The following CYB5A variants were observed in gnomAD, a reference collection of about 807,000 sequenced individuals.
CYB5A encodes cytochrome b5.
Under a neutral mutation model 16.2 loss-of-function variants are expected in CYB5A, and 10 were observed. The ratio of observed to expected loss-of-function variants is 0.62; its 90% CI spans 0.38 to 1.04. The LOEUF (loss-of-function observed/expected upper bound fraction) is 1.04. Among genes scored for constraint, CYB5A ranks in the 50% least tolerant of loss-of-function variants. The pLI, the probability that CYB5A is intolerant of heterozygous loss-of-function variation, is 0.01. For synonymous variants in CYB5A, 62 were observed against 57.0 expected (o/e 1.09, Z -0.40); for missense variants, 161 against 165.9 (o/e 0.97, Z 0.16).
In CYB5A at chr18:74,252,614, T is replaced by G. The variant is rs979073957; in HGVS notation, c.*970A>C. 12 of 152,384 alleles carry G rather than the reference T, an allele frequency of 7.9e-5. No homozygotes were observed. The highest frequency in any genetic ancestry group is 2.9e-4 in the African/African-American group (12 of 41,600). The allele number at this position is 152,384 out of a possible 1,614,324, so 9.4% of individuals were successfully genotyped here. ...CGTGTAAGCTGAGAGAATGGACAGT[T>G]GCGATGCCCTCTCATGGTTCATGTG... On this transcript the variant is annotated 3_prime_UTR_variant, in exon 5 of 5. Coordinates refer to ENST00000340533, the MANE Select transcript of CYB5A (RefSeq NM_148923.4).
chr18:74,286,177 G>A (rs141448620), intron 1 of CYB5A, among the ~76,000 whole-genome samples: 4 of 152,324 alleles, frequency 2.6e-5, no homozygotes, highest in South Asian at 2.1e-4. Context: ...GGCCACCTTC[G>A]GGGAGCAGAG....
At chr18:74,263,596 A>C (rs1465432797) in intron 1 of CYB5A, 119 bp from the exon 2 acceptor site, 4 of 752,958 alleles carry the variant, frequency 5.3e-6, no homozygotes, top group Non-Finnish European at 8.6e-6. Context: ...TGACAACAGG[A>C]GACTAACTTG....
chr18:74,279,650 TTTTG>T (rs142672206), intron 1 of CYB5A, among the ~76,000 whole-genome samples: 17,960 of 152,186 alleles, frequency 0.12, 1,357 homozygotes, highest in Admixed American at 0.19. Context: ...CATCTCTCTC[TTTTG>T]TTTTTTTTCC....
intron 4 of CYB5A, among the ~76,000 whole-genome samples, chr18:74,255,519 AT>A (rs1751063169): frequency 6.6e-6 from 1 of 152,166 alleles, no homozygotes; most frequent in Non-Finnish European, 1.5e-5. Context: ...CTTGGGGTGG[AT>A]GCAGCCAGCC....
intron 3 of CYB5A, chr18:74,257,951 CTT>C (rs1244868469): frequency 6.6e-6 from 1 of 152,150 alleles, no homozygotes; most frequent in Non-Finnish European, 1.5e-5. Flanking sequence ...TGCATAATGA[CTT>C]ATAAAAGTCA....
intron 1 of CYB5A, among the ~76,000 whole-genome samples, chr18:74,289,830 G>A (rs1338457104): frequency 6.6e-6 from 1 of 150,868 alleles, no homozygotes; most frequent in Non-Finnish European, 1.5e-5. Context: ...CATCTAGTGG[G>A]TAGAACTCAG....
chr18:74,277,070 C>G (rs1982910668), intron 1 of CYB5A, among the ~76,000 whole-genome samples: 1 of 148,666 alleles, frequency 6.7e-6, no homozygotes, highest in African/African-American at 2.4e-5. Flanking sequence ...AACAAGTAGG[C>G]AAAAACAACC....
In CYB5A at chr18:74,251,551, A is replaced by C. The variant is rs1307785595; in HGVS notation, c.*2033T>G. 6.6e-6 allele frequency: 1 copy of C among 152,194 alleles called. No homozygotes were observed. Among genetic ancestry groups the C allele is most frequent in the Non-Finnish European group, 1.5e-5 (1 of 68,054 alleles). The allele number at this position is 152,194 out of a possible 1,614,324, so 9.4% of individuals were successfully genotyped here. Reference sequence around the variant, plus strand: ...AATGGGAGGCAGGTTGGCCCTAAGCAGTTTCCAGCTTGAGTTTTCCTTAGT... The same window carrying C: ...AATGGGAGGCAGGTTGGCCCTAAGCCGTTTCCAGCTTGAGTTTTCCTTAGT... On this transcript the variant is annotated 3_prime_UTR_variant, in exon 5 of 5. Transcript: ENST00000340533.
intron 1 of CYB5A, among the ~76,000 whole-genome samples, chr18:74,268,727 AG>A (rs1315344174): frequency 3.3e-5 from 5 of 152,094 alleles, no homozygotes; most frequent in African/African-American, 1.2e-4. Flanking sequence ...AGAGACAGGA[AG>A]TGCCACTGGA....
At chr18:74,263,311 T>C (rs1475736174) in intron 2 of CYB5A, 38 bp downstream of exon 2, 2 of 1,613,592 alleles carry the variant, frequency 1.2e-6, no homozygotes, top group Non-Finnish European at 1.7e-6. Context: ...CTGATAGCCT[T>C]AAATACAAAT....
chr18:74,286,587 G>T (rs1206659213), intron 1 of CYB5A, among the ~76,000 whole-genome samples: 1 of 152,118 alleles, frequency 6.6e-6, no homozygotes, highest in Non-Finnish European at 1.5e-5. Flanking sequence ...TCAGAACAAG[G>T]AAAGTGACTG....
At chr18:74,263,263 G>A (rs1982285389) in intron 2 of CYB5A, 86 bp downstream of exon 2, 1 of 1,503,974 alleles carries the variant, frequency 6.6e-7, no homozygotes, top group Non-Finnish European at 9.1e-7. Flanking sequence ...CTTTTAAAAT[G>A]TGTATACATG....
At chr18:74,284,838 C>A (rs1196781130) in intron 1 of CYB5A, among the ~76,000 whole-genome samples, 1 of 152,286 alleles carries the variant, frequency 6.6e-6, no homozygotes, top group East Asian at 1.9e-4. Flanking sequence ...CAGAATTCTA[C>A]GGATGTAAGA....
chr18:74,284,100 G>A (rs899204644), intron 1 of CYB5A, among the ~76,000 whole-genome samples: 1 of 151,996 alleles, frequency 6.6e-6, no homozygotes, highest in African/African-American at 2.4e-5. Flanking sequence ...GCCTGGTGGT[G>A]CATGCCTGTA....
At chr18:74,262,222 G>C (rs1982231940) in intron 2 of CYB5A, among the ~76,000 whole-genome samples, 1 of 152,186 alleles carries the variant, frequency 6.6e-6, no homozygotes, top group African/African-American at 2.4e-5. Flanking sequence ...GGGAGGCCTA[G>C]GTAGGTGGAT....
intron 4 of CYB5A, among the ~76,000 whole-genome samples, chr18:74,255,165 A>G (rs1457697391): frequency 2.0e-5 from 3 of 152,182 alleles, no homozygotes; most frequent in African/African-American, 4.8e-5. Flanking sequence ...TGAAATACAA[A>G]TGTGTGGTTT....
In CYB5A at chr18:74,291,838, G is replaced by C. The variant is rs981515640; in HGVS notation, c.38C>G (p.Thr13Ser). The C allele has an allele frequency of 3.7e-6, 6 of 1,613,772 alleles. No individual in the cohort carries two copies. The highest frequency in any genetic ancestry group is 1.7e-4 in the Middle Eastern group (1 of 6,060). ...GTTGTGCTTCTGAATCTCCTCTAGG[G>C]TGTAGTACTTCACGGCCTCGTCCGA... Reference protein sequence around the residue: ...EQSDEAVKYYTLEEIQKHNHS... With the variant: ...EQSDEAVKYYSLEEIQKHNHS... The change falls in exon 1 of 5, where the codon ACC becomes AGC. Residue 13 changes from threonine to serine, a missense_variant. Thr to Ser is a moderately conservative substitution (Grantham distance 58). Transcript: ENST00000340533.
At chr18:74,264,492 C>T (rs949573924) in intron 1 of CYB5A, among the ~76,000 whole-genome samples, 6 of 151,986 alleles carry the variant, frequency 3.9e-5, no homozygotes, top group East Asian at 1.9e-4. Context: ...ACAAGAGGCA[C>T]GTGTGTCACT....
intron 1 of CYB5A, 100 bp downstream of exon 1, chr18:74,291,647 T>A: frequency 7.1e-6 from 11 of 1,555,852 alleles, no homozygotes; most frequent in Non-Finnish European, 9.7e-6. Flanking sequence ...CGCCTAGGCG[T>A]AGGTATGCGG....
Sources: gnomAD v4.1 joint callset for allele counts (sites outside exome capture counted in the v4.1 genomes callset) on GRCh38, gnomAD v4.1.1 for gene constraint, MANE v1.5 for transcripts, NCBI Gene and HGNC (gene_info 2026-07-23, HGNC 2026-07-21) for gene names.